ADGRL3: variants seen among roughly 807,000 people sequenced by gnomAD.
ADGRL3 encodes calcium-independent alpha-latrotoxin receptor 3.
Under a neutral mutation model 153.5 loss-of-function variants are expected in ADGRL3, and 62 were observed. The ratio of observed to expected loss-of-function variants is 0.40; its 90% CI spans 0.33 to 0.50. The LOEUF is 0.50. ADGRL3 is among the 20% of genes least tolerant of loss of function. The pLI is 0.47. For synonymous variants in ADGRL3, 710 were observed against 672.5 expected (o/e 1.06, Z -0.86); for missense variants, 1,641 against 1,859.4 (o/e 0.88, Z 2.16).
chr4:61,504,252 C>T (rs1013440777), intron 3 of ADGRL3, among the ~76,000 whole-genome samples: 5 of 152,186 alleles, frequency 3.3e-5, no homozygotes, highest in Non-Finnish European at 7.4e-5. Context: ...GCCTTGACCT[C>T]CCAGAGCACT....
intron 4 of ADGRL3, among the ~76,000 whole-genome samples, chr4:61,528,959 C>T (rs1361345356): frequency 6.6e-6 from 1 of 151,978 alleles, no homozygotes; most frequent in East Asian, 1.9e-4. Flanking sequence ...ACCTGGTGAG[C>T]TACTAAGGCT....
intron 2 of ADGRL3, among the ~76,000 whole-genome samples, chr4:61,419,745 C>T (rs1283307979): frequency 6.6e-6 from 1 of 151,722 alleles, no homozygotes; most frequent in East Asian, 1.9e-4. Flanking sequence ...TTGTTATTTT[C>T]ACAGATTTAA....
At chr4:61,705,334 G>T (rs977943805) in intron 6 of ADGRL3, among the ~76,000 whole-genome samples, 7 of 151,636 alleles carry the variant, frequency 4.6e-5, no homozygotes, top group Non-Finnish European at 1.0e-4. Context: ...CTTTGAGGTG[G>T]CTAGGTATGT....
intron 2 of ADGRL3, among the ~76,000 whole-genome samples, chr4:61,436,246 A>G (rs2097444042): frequency 6.6e-6 from 1 of 152,320 alleles, no homozygotes; most frequent in East Asian, 1.9e-4. Context: ...TTGTTCATAT[A>G]GAATACAGGA....
chr4:61,815,923 A>G (rs1392170090), intron 9 of ADGRL3, among the ~76,000 whole-genome samples: 1 of 152,222 alleles, frequency 6.6e-6, no homozygotes, highest in Non-Finnish European at 1.5e-5. Flanking sequence ...GTGAGAAAAT[A>G]AACTTCCATT....
intron 1 of ADGRL3, among the ~76,000 whole-genome samples, chr4:61,373,612 A>G (rs1477388846): frequency 5.3e-5 from 8 of 152,210 alleles, no homozygotes; most frequent in African/African-American, 1.9e-4. Flanking sequence ...ATTTAAAAAT[A>G]ATGCAATACT....
At chr4:61,759,259 CAG>C (rs1420240975) in intron 8 of ADGRL3, among the ~76,000 whole-genome samples, 1 of 152,188 alleles carries the variant, frequency 6.6e-6, no homozygotes, top group Non-Finnish European at 1.5e-5. Flanking sequence ...TAATATCCTG[CAG>C]AGTGTTTTCC....
At chr4:61,309,031 A>C (rs1373413538) in intron 1 of ADGRL3, among the ~76,000 whole-genome samples, 1 of 152,186 alleles carries the variant, frequency 6.6e-6, no homozygotes, top group African/African-American at 2.4e-5. Context: ...TTGTAGACAA[A>C]AGAATTACCT....
chr4:61,342,927 T>G (rs1293121480), intron 1 of ADGRL3, among the ~76,000 whole-genome samples: 1 of 152,130 alleles, frequency 6.6e-6, no homozygotes, highest in Admixed American at 6.5e-5. Flanking sequence ...CAGTTCCACA[T>G]GGCTAGGAGA....
At chr4:62,064,029 A>G (rs1032652716) in intron 25 of ADGRL3, among the ~76,000 whole-genome samples, 5 of 152,126 alleles carry the variant, frequency 3.3e-5, no homozygotes, top group Admixed American at 3.3e-4. Flanking sequence ...TACAAGATCA[A>G]GAAAACAAAT....
intron 5 of ADGRL3, among the ~76,000 whole-genome samples, chr4:61,647,284 G>A (rs1268255787): frequency 6.6e-6 from 1 of 152,054 alleles, no homozygotes; most frequent in Non-Finnish European, 1.5e-5. Flanking sequence ...TTTCCTATTC[G>A]GCCATCTTGG....
rs918992070 is a variant in ADGRL3, at chr4:61,455,890, G to A, written c.-173-41231G>A. ...GCATGTAGTAGTTTGATCTCGGCTCGCTACAGCCTCCACCTCCTGGGTTCA... is the reference window on the plus strand; with the variant it reads ...GCATGTAGTAGTTTGATCTCGGCTCACTACAGCCTCCACCTCCTGGGTTCA... On this transcript the variant is annotated intron_variant, in intron 2 of 26. Coordinates refer to ENST00000683033, the MANE Select transcript of ADGRL3 (RefSeq NM_001387552.1). Among the ~76,000 whole-genome samples the A allele has an allele frequency of 3.3e-5, 5 of 151,760 alleles. No individual in the cohort carries two copies. The East Asian group carries it at 5.9e-4, about 18-fold the overall frequency.
intron 1 of ADGRL3, among the ~76,000 whole-genome samples, chr4:61,289,174 A>G (rs1235815146): frequency 6.6e-6 from 1 of 151,924 alleles, no homozygotes. Context: ...TTCTTCTTTC[A>G]TAAATTCTAA....
chr4:61,586,417 AG>A (rs1403312821), intron 4 of ADGRL3, among the ~76,000 whole-genome samples: 10 of 152,118 alleles, frequency 6.6e-5, no homozygotes, highest in African/African-American at 2.4e-4. Context: ...TTAAAAGTGA[AG>A]GAAACAATAT....
chr4:61,276,628 A>G (rs2093473477), intron 1 of ADGRL3, among the ~76,000 whole-genome samples: 1 of 152,126 alleles, frequency 6.6e-6, no homozygotes, highest in African/African-American at 2.4e-5. Context: ...ATTTTTGTCA[A>G]TTAGTAAAAT....
chr4:61,595,294 G>A (rs564589857), intron 5 of ADGRL3, among the ~76,000 whole-genome samples: 7 of 152,136 alleles, frequency 4.6e-5, no homozygotes, highest in Non-Finnish European at 7.4e-5. Flanking sequence ...AAGCCAGCAC[G>A]TCTCAGAGCC....
At chr4:61,800,476 C>T (rs1055373098) in intron 8 of ADGRL3, among the ~76,000 whole-genome samples, 2 of 152,084 alleles carry the variant, frequency 1.3e-5, no homozygotes, top group Non-Finnish European at 2.9e-5. Flanking sequence ...CTAGTCTGTA[C>T]CATCTTCTTT....
At chr4:62,010,024 T>G (rs776849729) in intron 21 of ADGRL3, among the ~76,000 whole-genome samples, 48 of 152,018 alleles carry the variant, frequency 3.2e-4, no homozygotes, top group Admixed American at 1.2e-3. Flanking sequence ...GAAGGCATGG[T>G]TTTCATGCCC....
chr4:61,848,720 TTAA>T (rs1581134874), intron 9 of ADGRL3, among the ~76,000 whole-genome samples: 1 of 152,180 alleles, frequency 6.6e-6, no homozygotes, highest in Non-Finnish European at 1.5e-5. Context: ...TACTTCTGGG[TTAA>T]TAATTTTAGT....
Sources: allele counts gnomAD v4.1 joint callset (sites outside exome capture counted in the v4.1 genomes callset), GRCh38; gene constraint gnomAD v4.1.1; transcripts MANE v1.5; gene names NCBI Gene and HGNC (gene_info 2026-07-23, HGNC 2026-07-21).